The following CAMK4 variants were observed in gnomAD, a reference collection of about 807,000 sequenced individuals.
The protein encoded by CAMK4 is calcium/calmodulin dependent protein kinase IV.
A neutral mutation model predicts 44.9 loss-of-function variants in CAMK4; 22 were observed. That is an observed-to-expected ratio of 0.49 (90% CI 0.35 to 0.70). CAMK4 has a LOEUF of 0.70. CAMK4 is among the 30% of genes least tolerant of loss of function. The pLI is 0.01. For synonymous variants in CAMK4, 218 were observed against 215.4 expected, an observed-to-expected ratio of 1.01 and a Z score of -0.11; for missense variants, 498 against 586.8, an observed-to-expected ratio of 0.85 and a Z score of 1.56.
chr5:111,443,452 G>T (rs1210174607), intron 5 of CAMK4, among the ~76,000 whole-genome samples: 2 of 150,228 alleles, frequency 1.3e-5, no homozygotes, highest in Non-Finnish European at 3.0e-5. Flanking sequence ...TAAAAGCCAA[G>T]ATCATGACCT....
At chr5:111,285,819 G>C (rs960334128) in intron 1 of CAMK4, among the ~76,000 whole-genome samples, 13 of 152,116 alleles carry the variant, frequency 8.5e-5, no homozygotes, top group Admixed American at 6.5e-5. Context: ...GTAGTTTCCC[G>C]TGTGATGACA....
At chr5:111,256,060 C>G (rs1749731610) in intron 1 of CAMK4, among the ~76,000 whole-genome samples, 1 of 152,030 alleles carries the variant, frequency 6.6e-6, no homozygotes, top group African/African-American at 2.4e-5. Context: ...GGATATCTCA[C>G]AAAAATGATC....
intron 8 of CAMK4, among the ~76,000 whole-genome samples, chr5:111,475,101 T>G (rs1201804857): frequency 3.3e-5 from 5 of 152,124 alleles, no homozygotes; most frequent in Non-Finnish European, 2.9e-5. Context: ...AGGCGGAGAT[T>G]GCAGTGAGCT....
intron 1 of CAMK4, among the ~76,000 whole-genome samples, chr5:111,309,325 A>C (rs543268959): frequency 1.3e-5 from 2 of 152,194 alleles, no homozygotes; most frequent in Non-Finnish European, 2.9e-5. Context: ...TGGGCAGGAC[A>C]GGGTGAATGG....
chr5:111,418,055 A>G (rs796195693), intron 5 of CAMK4, among the ~76,000 whole-genome samples: 27 of 152,184 alleles, frequency 1.8e-4, no homozygotes, highest in African/African-American at 6.3e-4. Context: ...AAGTCCTAAA[A>G]ATATATCTGT....
At chr5:111,480,283 CACACA>C (rs1283947121) in intron 9 of CAMK4, among the ~76,000 whole-genome samples, 2 of 151,214 alleles carry the variant, frequency 1.3e-5, no homozygotes, top group African/African-American at 4.9e-5. Flanking sequence ...CACACACACA[CACACA>C]CCCCTGGGTA....
At chr5:111,467,475 A>G (rs1754882584) in intron 7 of CAMK4, among the ~76,000 whole-genome samples, 1 of 152,018 alleles carries the variant, frequency 6.6e-6, no homozygotes, top group South Asian at 2.1e-4. Flanking sequence ...AATATCCAGA[A>G]TCTACAAGGA....
rs1755567259 is a variant in CAMK4, at chr5:111,485,089, A to G, written c.*623A>G. On this transcript the variant is annotated 3_prime_UTR_variant, in exon 11 of 11. Transcript: ENST00000282356. ...AATGCTTTATTTTATTCTTATTTATATACACTATATTAATAATAACCAAAA... is the reference window on the plus strand; with the variant it reads ...AATGCTTTATTTTATTCTTATTTATGTACACTATATTAATAATAACCAAAA... 6.6e-6 allele frequency: 1 copy of G among 152,156 alleles called. No individual in the cohort carries two copies. Among genetic ancestry groups the G allele is most frequent in the East Asian group, 1.9e-4 (1 of 5,184 alleles). The allele number at this position is 152,156 out of a possible 1,614,324, so 9.4% of individuals were successfully genotyped here.
chr5:111,270,720 A>G (rs1381592644), intron 1 of CAMK4, among the ~76,000 whole-genome samples: 1 of 152,228 alleles, frequency 6.6e-6, no homozygotes, highest in Admixed American at 6.5e-5. Context: ...CAGCCTGACA[A>G]AACTTCAATT....
At chr5:111,348,603 A>G (rs778181017) in intron 2 of CAMK4, among the ~76,000 whole-genome samples, 1 of 152,068 alleles carries the variant, frequency 6.6e-6, no homozygotes, top group Non-Finnish European at 1.5e-5. Flanking sequence ...CCAGCATCAT[A>G]AAGTCTGCAA....
At chr5:111,370,537 A>G (rs966888236) in intron 2 of CAMK4, among the ~76,000 whole-genome samples, 3 of 152,194 alleles carry the variant, frequency 2.0e-5, no homozygotes, top group Non-Finnish European at 4.4e-5. Context: ...AAATTCTAGT[A>G]TAACAATCTT....
chr5:111,293,799 T>G (rs1413180354), intron 1 of CAMK4, among the ~76,000 whole-genome samples: 1 of 135,304 alleles, frequency 7.4e-6, no homozygotes, highest in Admixed American at 8.4e-5. Context: ...CAGGCTGGAG[T>G]GCATTGGCAC....
intron 1 of CAMK4, among the ~76,000 whole-genome samples, chr5:111,226,016 G>T (rs940431111): frequency 5.3e-5 from 8 of 152,224 alleles, no homozygotes; most frequent in Admixed American, 3.9e-4. Flanking sequence ...TGTATGATGC[G>T]TGACAGTGGA....
intron 4 of CAMK4, among the ~76,000 whole-genome samples, chr5:111,393,351 G>A (rs1751879116): frequency 6.6e-6 from 1 of 152,118 alleles, no homozygotes; most frequent in African/African-American, 2.4e-5. Context: ...AAAGTAGAGA[G>A]GGCAGGAAAT....
chr5:111,335,246 A>T (rs1051708547), intron 1 of CAMK4, among the ~76,000 whole-genome samples: 1 of 151,498 alleles, frequency 6.6e-6, no homozygotes, highest in Non-Finnish European at 1.5e-5. Flanking sequence ...CTGATTTATA[A>T]CCTCCCTTAA....
intron 1 of CAMK4, among the ~76,000 whole-genome samples, chr5:111,337,443 A>C (rs1403515718): frequency 6.6e-6 from 1 of 150,398 alleles, no homozygotes; most frequent in African/African-American, 2.4e-5. Flanking sequence ...AAAAGTGGCT[A>C]TACCATTTTG....
At chr5:111,418,740 G>T (rs181394159) in intron 5 of CAMK4, among the ~76,000 whole-genome samples, 1 of 151,996 alleles carries the variant, frequency 6.6e-6, no homozygotes, top group African/African-American at 2.4e-5. Flanking sequence ...ATGGTTTCCA[G>T]TTTCATCCAT....
chr5:111,402,892 G>T (rs149999019), intron 5 of CAMK4, among the ~76,000 whole-genome samples: 36 of 152,272 alleles, frequency 2.4e-4, no homozygotes, highest in African/African-American at 8.2e-4. Context: ...GACACCATTG[G>T]AATTCTCCAA....
intron 1 of CAMK4, among the ~76,000 whole-genome samples, chr5:111,300,867 A>G (rs1275900163): frequency 6.6e-6 from 1 of 152,252 alleles, no homozygotes; most frequent in East Asian, 1.9e-4. Context: ...TCAAATGGAT[A>G]TGCAGAAAAA....
Sources: gnomAD v4.1 joint callset for allele counts (sites outside exome capture counted in the v4.1 genomes callset) on GRCh38, gnomAD v4.1.1 for gene constraint, MANE v1.5 for transcripts, NCBI Gene and HGNC (gene_info 2026-07-23, HGNC 2026-07-21) for gene names.